ITGA9: variants seen among roughly 807,000 people sequenced by gnomAD.
ITGA9 encodes the protein integrin alpha-9.
A neutral mutation model predicts 127.8 loss-of-function variants in ITGA9; 56 were observed. The ratio of observed to expected loss-of-function variants is 0.44; its 90% confidence interval spans 0.35 to 0.55. ITGA9 has a LOEUF of 0.55. Ranked by LOEUF, ITGA9 falls within the 20% of genes least tolerant of loss-of-function variation. ITGA9 has a pLI of 0.00. For synonymous variants in ITGA9, 508 were observed against 514.5 expected (o/e 0.99, Z 0.17); for missense variants, 1,196 against 1,347.1 (o/e 0.89, Z 1.76).
rs1042733049 is a variant in ITGA9, at chr3:37,819,291, A to G, written c.*302A>G. 1 of 429,898 alleles carries G rather than the reference A, an allele frequency of 2.3e-6. No homozygotes were observed. Among genetic ancestry groups the G allele is most frequent in the South Asian group, 2.9e-5 (1 of 34,758 alleles). The allele number at this position is 429,898 out of a possible 1,614,324, so 26.6% of individuals were successfully genotyped here. ...AACCCTCAGGGGAAAACTGTTACCT[A>G]AAGTATTTTTATAAATATAAGCCTT... is the stretch of plus-strand genomic sequence containing the variant. On this transcript the variant is annotated 3_prime_UTR_variant, in exon 28 of 28. Transcript: ENST00000264741.
intron 1 of ITGA9, among the ~76,000 whole-genome samples, chr3:37,465,457 A>G (rs1365135807): frequency 6.6e-6 from 1 of 152,168 alleles, no homozygotes; most frequent in Non-Finnish European, 1.5e-5. Context: ...TCTGGGTTCA[A>G]ATCCCAGCTC....
At chr3:37,733,017 C>T (rs1696313346) in intron 19 of ITGA9, 2 of 562,258 alleles carry the variant, frequency 3.6e-6, no homozygotes, top group Non-Finnish European at 6.5e-6. Context: ...CTTCGATTCA[C>T]ATGATGTACC....
At chr3:37,560,391 G>A (rs745638119) in intron 15 of ITGA9, among the ~76,000 whole-genome samples, 2 of 152,190 alleles carry the variant, frequency 1.3e-5, no homozygotes, top group African/African-American at 4.8e-5. Context: ...TTGCTATTGT[G>A]AAGAGTGCTC....
intron 17 of ITGA9, among the ~76,000 whole-genome samples, chr3:37,679,854 AC>A (rs1188085205): frequency 2.0e-5 from 3 of 152,128 alleles, no homozygotes; most frequent in Admixed American, 2.0e-4. Context: ...GAAGGGTCCT[AC>A]CCCTGATGTT....
chr3:37,462,871 GTTA>G (rs1372764727), intron 1 of ITGA9, among the ~76,000 whole-genome samples: 1 of 152,168 alleles, frequency 6.6e-6, no homozygotes, highest in Non-Finnish European at 1.5e-5. Context: ...TCATGCATTT[GTTA>G]TTATCCTTGT....
chr3:37,711,602 C>T (rs1701080484), intron 18 of ITGA9, among the ~76,000 whole-genome samples: 1 of 152,132 alleles, frequency 6.6e-6, no homozygotes, highest in African/African-American at 2.4e-5. Context: ...TGGTGTCTTG[C>T]TGTGTTGCCC....
intron 23 of ITGA9, among the ~76,000 whole-genome samples, chr3:37,773,468 G>A (rs532631069): frequency 6.6e-6 from 1 of 152,266 alleles, no homozygotes; most frequent in South Asian, 2.1e-4. Flanking sequence ...ACACACATTC[G>A]GATTCTCAAA....
At chr3:37,557,984 CTAGT>C (rs1285130806) in intron 15 of ITGA9, among the ~76,000 whole-genome samples, 1 of 152,104 alleles carries the variant, frequency 6.6e-6, no homozygotes, top group Non-Finnish European at 1.5e-5. Flanking sequence ...TTATTATTAC[CTAGT>C]TAGTCTGAGA....
intron 9 of ITGA9, among the ~76,000 whole-genome samples, 195 bp downstream of exon 9, chr3:37,514,095 A>T (rs1174569688): frequency 6.6e-6 from 1 of 152,198 alleles, no homozygotes; most frequent in Non-Finnish European, 1.5e-5. Flanking sequence ...AACTGCAGAC[A>T]CCCAGGGGCC....
intron 1 of ITGA9, among the ~76,000 whole-genome samples, chr3:37,454,465 G>A (rs1698235605): frequency 6.6e-6 from 1 of 152,216 alleles, no homozygotes; most frequent in Admixed American, 6.5e-5. Context: ...GTAGGGAGTG[G>A]GTGTGGAGCA....
At chr3:37,641,315 A>T (rs189532525) in intron 16 of ITGA9, among the ~76,000 whole-genome samples, 158 of 152,230 alleles carry the variant, frequency 1.0e-3, no homozygotes, top group African/African-American at 2.8e-3. Flanking sequence ...CCGCCCGTTC[A>T]TGGAAAAATT....
intron 18 of ITGA9, among the ~76,000 whole-genome samples, chr3:37,709,719 C>G (rs1266349583): frequency 6.6e-6 from 1 of 152,262 alleles, no homozygotes; most frequent in Non-Finnish European, 1.5e-5. Flanking sequence ...TGTATGGGAA[C>G]ATCATCACCT....
chr3:37,669,560 C>T (rs1051832746), intron 17 of ITGA9, among the ~76,000 whole-genome samples: 1 of 152,102 alleles, frequency 6.6e-6, no homozygotes, highest in Non-Finnish European at 1.5e-5. Context: ...ATCTCCTGTC[C>T]GGGCAGGCTG....
chr3:37,573,364 A>T (rs1315518720), intron 15 of ITGA9, among the ~76,000 whole-genome samples: 1 of 152,220 alleles, frequency 6.6e-6, no homozygotes, highest in East Asian at 1.9e-4. Context: ...TAGCTCTGTA[A>T]CAAATGACTC....
intron 23 of ITGA9, among the ~76,000 whole-genome samples, chr3:37,751,219 C>T (rs1250924949): frequency 6.6e-6 from 1 of 152,230 alleles, no homozygotes; most frequent in Non-Finnish European, 1.5e-5. Flanking sequence ...GATGCCAGCT[C>T]AGATGTTAAC....
chr3:37,778,278 C>T lies in ITGA9; in HGVS notation c.2667+761C>T, dbSNP rs555135375. Among the ~76,000 whole-genome samples, 6 of 152,296 alleles carry T rather than the reference C, an allele frequency of 3.9e-5. No individual in the cohort carries two copies. The South Asian group carries it at 1.0e-3, about 26-fold the overall frequency. ...CTGCTTAGATGCTGGAAATGTCCTACATCCTAATCAGGGTGGTAGTCCTCC... is the reference window on the plus strand; with the variant it reads ...CTGCTTAGATGCTGGAAATGTCCTATATCCTAATCAGGGTGGTAGTCCTCC... On this transcript the variant is annotated intron_variant, in intron 24 of 27. Coordinates refer to ENST00000264741, the MANE Select transcript of ITGA9 (RefSeq NM_002207.3).
intron 15 of ITGA9, among the ~76,000 whole-genome samples, chr3:37,624,496 C>A (rs558045447): frequency 5.3e-5 from 8 of 152,170 alleles, no homozygotes; most frequent in Non-Finnish European, 8.8e-5. Flanking sequence ...TCTCCCCAGT[C>A]CTGCACCCAT....
intron 26 of ITGA9, among the ~76,000 whole-genome samples, chr3:37,802,506 G>C (rs999780257): frequency 8.5e-5 from 13 of 152,228 alleles, no homozygotes; most frequent in African/African-American, 3.1e-4. Flanking sequence ...TGGCCAGCCT[G>C]TCTGGAGCCA....
intron 27 of ITGA9, among the ~76,000 whole-genome samples, chr3:37,817,574 G>T (rs1001093814): frequency 1.3e-5 from 2 of 152,188 alleles, no homozygotes; most frequent in African/African-American, 4.8e-5. Context: ...CAAGGAGAGA[G>T]GGAGCTGGGG....
Sources: gnomAD v4.1 joint callset for allele counts (sites outside exome capture counted in the v4.1 genomes callset) on GRCh38, gnomAD v4.1.1 for gene constraint, MANE v1.5 for transcripts, NCBI Gene and HGNC (gene_info 2026-07-23, HGNC 2026-07-21) for gene names.